The following ALDH1A1 variants were observed in gnomAD, a reference collection of about 807,000 sequenced individuals.
ALDH1A1 encodes aldehyde dehydrogenase 1A1.
In ALDH1A1, 19 loss-of-function variants were observed where a neutral mutation model predicts 62.1. The ratio of observed to expected loss-of-function variants is 0.31; its 90% CI spans 0.21 to 0.45. The LOEUF (loss-of-function observed/expected upper bound fraction) is 0.45. ALDH1A1 is among the 20% of genes least tolerant of loss of function. The pLI is 1.00. For missense variants in ALDH1A1, 521 were observed against 607.1 expected, an observed-to-expected ratio of 0.86 and a Z score of 1.49; for synonymous variants, 231 against 215.9, an observed-to-expected ratio of 1.07 and a Z score of -0.61.
intron 2 of ALDH1A1, among the ~76,000 whole-genome samples, chr9:72,939,497 A>T (rs1830388167): frequency 6.6e-6 from 1 of 152,074 alleles, no homozygotes; most frequent in Non-Finnish European, 1.5e-5. Context: ...TTATCTAGCA[A>T]CATAAAAAGA....
chr9:72,949,728 C>T (rs138331273), intron 1 of ALDH1A1, among the ~76,000 whole-genome samples: 251 of 150,650 alleles, frequency 1.7e-3, no homozygotes, highest in African/African-American at 5.5e-3. Context: ...TCTTTTGTAG[C>T]ATGAACAAAC....
intron 2 of ALDH1A1, among the ~76,000 whole-genome samples, chr9:72,939,492 T>C (rs1476215415): frequency 6.6e-6 from 1 of 152,058 alleles, no homozygotes; most frequent in Non-Finnish European, 1.5e-5. Context: ...TAGTTTTATC[T>C]AGCAACATAA....
At chr9:72,939,606 C>G (rs940529737) in intron 2 of ALDH1A1, among the ~76,000 whole-genome samples, 1 of 151,072 alleles carries the variant, frequency 6.6e-6, no homozygotes, top group African/African-American at 2.4e-5. Context: ...CAACCTCTGC[C>G]TCACGGGCTA....
chr9:72,909,238 T>A (rs947644276), intron 11 of ALDH1A1, among the ~76,000 whole-genome samples: 2 of 139,870 alleles, frequency 1.4e-5, no homozygotes, highest in African/African-American at 2.6e-5. Flanking sequence ...CTCGGCTCAC[T>A]GCAACCTCCG....
intron 2 of ALDH1A1, among the ~76,000 whole-genome samples, chr9:72,932,194 A>C (rs921930003): frequency 3.3e-5 from 5 of 152,216 alleles, no homozygotes; most frequent in Admixed American, 6.5e-5. Context: ...GCTATATCAC[A>C]GGCCAGTAGG....
At chr9:72,949,380 G>A in intron 1 of ALDH1A1, among the ~76,000 whole-genome samples, 1 of 151,872 alleles carries the variant, frequency 6.6e-6, no homozygotes, top group Admixed American at 6.6e-5. Flanking sequence ...TGGCAAGTCA[G>A]TGTCCCAGAG....
chr9:72,914,928 G>C (rs976334320), intron 9 of ALDH1A1, among the ~76,000 whole-genome samples: 9 of 152,088 alleles, frequency 5.9e-5, no homozygotes, highest in Admixed American at 1.3e-4. Context: ...ACCACCCCTG[G>C]ATGAGGCAAT....
Position 72,943,406 on chromosome 9 carries a change from T to A in ALDH1A1, c.67-3154A>T, listed in dbSNP as rs566221636. Among the ~76,000 whole-genome samples, 9 of 152,280 alleles carry A rather than the reference T, an allele frequency of 5.9e-5. No individual in the cohort carries two copies. In the South Asian group the frequency reaches 1.9e-3, roughly 32 times the overall value. On this transcript the variant is annotated intron_variant, in intron 1 of 12. Transcript: ENST00000297785. ...AGTATGTATGTACCATCTAGTTCCA[T>A]GATCAGAATTTGCATCTAAGCTGTA...
intron 1 of ALDH1A1, among the ~76,000 whole-genome samples, chr9:72,941,281 T>C (rs1830411128): frequency 6.6e-6 from 1 of 152,178 alleles, no homozygotes; most frequent in Non-Finnish European, 1.5e-5. Context: ...GAGAATGTAA[T>C]GAAACACTCC....
intron 7 of ALDH1A1, 142 bp from the exon 8 acceptor site, chr9:72,918,964 G>T: frequency 1.7e-6 from 1 of 591,048 alleles, no homozygotes; most frequent in Non-Finnish European, 2.9e-6. Flanking sequence ...TTTTTGAGAC[G>T]AAGTCTCACA....
At chr9:72,915,253 T>A (rs908979353) in intron 9 of ALDH1A1, among the ~76,000 whole-genome samples, 1 of 152,188 alleles carries the variant, frequency 6.6e-6, no homozygotes, top group Non-Finnish European at 1.5e-5. Flanking sequence ...TATCTTAAAA[T>A]CAATGAGGTA....
chr9:72,940,220 C>T lies in ALDH1A1; in HGVS notation c.99G>A (p.Val33=), dbSNP rs755598063. 9 of 1,613,696 alleles carry T rather than the reference C, an allele frequency of 5.6e-6. No individual in the cohort carries two copies. The highest frequency in any genetic ancestry group is 7.6e-6 in the Non-Finnish European group (9 of 1,179,738). ...TAAAGACAGGAAATTTCTTGCCACT[C>T]ACTGAATCATGCCATTCATTGTTTA... ...IFINNEWHDS[V]SGKKFPVFNP... The change falls in exon 2 of 13, where the codon GTG becomes GTA. Residue 33 remains valine (V), a synonymous_variant. Coordinates refer to ENST00000297785, the MANE Select transcript of ALDH1A1 (RefSeq NM_000689.5).
At chr9:72,933,671 T>C (rs1830312800) in intron 2 of ALDH1A1, among the ~76,000 whole-genome samples, 1 of 150,760 alleles carries the variant, frequency 6.6e-6, no homozygotes, top group African/African-American at 2.4e-5. Flanking sequence ...AGGGTTGTAA[T>C]GAAGATTAAT....
At chr9:72,920,154 T>C (rs1830121706) in intron 7 of ALDH1A1, among the ~76,000 whole-genome samples, 2 of 152,266 alleles carry the variant, frequency 1.3e-5, no homozygotes, top group South Asian at 2.1e-4. Context: ...GTTTCGTGAG[T>C]GTATGTTTAG....
intron 1 of ALDH1A1, among the ~76,000 whole-genome samples, chr9:72,944,445 A>G (rs969665863): frequency 2.6e-5 from 4 of 152,088 alleles, no homozygotes; most frequent in East Asian, 3.8e-4. Flanking sequence ...TTAGCTACAG[A>G]TAATTTATTC....
chr9:72,922,673 G>A (rs758499417), intron 7 of ALDH1A1, among the ~76,000 whole-genome samples: 22 of 152,196 alleles, frequency 1.4e-4, no homozygotes, highest in Non-Finnish European at 2.8e-4. Context: ...ACCTCAACAG[G>A]CACATGGATT....
At chr9:72,918,980 G>T (rs952450971) in intron 7 of ALDH1A1, among the ~76,000 whole-genome samples, 158 bp from the exon 8 acceptor site, 1 of 151,912 alleles carries the variant, frequency 6.6e-6, no homozygotes, top group Non-Finnish European at 1.5e-5. Flanking sequence ...TCACACTGTC[G>T]ACTGGGCTGG....
intron 7 of ALDH1A1, among the ~76,000 whole-genome samples, chr9:72,923,478 G>A (rs772608728): frequency 2.0e-5 from 3 of 151,944 alleles, no homozygotes; most frequent in South Asian, 4.2e-4. Context: ...CCTCCTGCCC[G>A]CCACTTCTCC....
chr9:72,945,400 G>T (rs1056686616), intron 1 of ALDH1A1, among the ~76,000 whole-genome samples: 12 of 151,970 alleles, frequency 7.9e-5, no homozygotes, highest in African/African-American at 2.9e-4. Flanking sequence ...GTGGGAGAGA[G>T]ATTTTAAGAG....
Sources: allele counts gnomAD v4.1 joint callset (sites outside exome capture counted in the v4.1 genomes callset), GRCh38; gene constraint gnomAD v4.1.1; transcripts MANE v1.5; gene names NCBI Gene and HGNC (gene_info 2026-07-23, HGNC 2026-07-21).